The following HAVCR1 variants were observed in gnomAD, a reference collection of about 807,000 sequenced individuals.
HAVCR1 encodes the protein T cell immunoglobin domain and mucin domain protein 1.
HAVCR1 carries 34 observed loss-of-function variants against 32.0 expected under a neutral mutation model. The observed-to-expected ratio is 1.06, with a 90% CI of 0.81 to 1.42. The LOEUF is 1.42. HAVCR1 is among the 40% of genes most tolerant of loss of function. The pLI is 0.00. For missense variants in HAVCR1, 420 were observed against 442.3 expected, an observed-to-expected ratio of 0.95 and a Z score of 0.45; for synonymous variants, 178 against 170.3, an observed-to-expected ratio of 1.05 and a Z score of -0.35.
At chr5:157,042,553 T>G in intron 6 of HAVCR1, 74 bp downstream of exon 6, 1 of 879,190 alleles carries the variant, frequency 1.1e-6, no homozygotes. Flanking sequence ...ACAGACATAG[T>G]CTTTAAATGT....
At chr5:157,036,241 G>T (rs1272284708) in intron 7 of HAVCR1, among the ~76,000 whole-genome samples, 1 of 152,236 alleles carries the variant, frequency 6.6e-6, no homozygotes, top group East Asian at 1.9e-4. Flanking sequence ...CACTTTGGGA[G>T]GCCAAGGCAG....
At chr5:157,066,941 C>T in the HAVCR1 span, among the ~76,000 whole-genome samples, 1 of 152,134 alleles carries the variant, frequency 6.6e-6, no homozygotes, top group Non-Finnish European at 1.5e-5. Flanking sequence ...ACAAAATTAG[C>T]CGGGCGTGGT....
At chr5:157,033,722 C>T (rs551574682) in intron 7 of HAVCR1, among the ~76,000 whole-genome samples, 8 of 152,294 alleles carry the variant, frequency 5.3e-5, no homozygotes, top group African/African-American at 1.9e-4. Flanking sequence ...ATCATTTACT[C>T]TTCCTCTAAA....
intron 8 of HAVCR1, among the ~76,000 whole-genome samples, chr5:157,031,922 G>T (rs1754197826): frequency 6.6e-6 from 1 of 152,124 alleles, no homozygotes; most frequent in Non-Finnish European, 1.5e-5. Context: ...GTAGGGAGCA[G>T]CAGGGAATGA....
chr5:157,041,549 T>C (rs983484372), intron 6 of HAVCR1, among the ~76,000 whole-genome samples: 1 of 152,142 alleles, frequency 6.6e-6, no homozygotes, highest in Admixed American at 6.6e-5. Context: ...GGGAGGTTTA[T>C]GTATAGAAAA....
At chr5:157,064,025 T>C (rs1756548264), upstream of HAVCR1, among the ~76,000 whole-genome samples, 1 of 152,114 alleles carries the variant, frequency 6.6e-6, no homozygotes, top group Non-Finnish European at 1.5e-5. Flanking sequence ...AGGAGCCATA[T>C]TCTGAGGACA....
At chr5:157,048,979 A>C (rs895558960) in intron 5 of HAVCR1, 59 bp downstream of exon 5, 9 of 983,138 alleles carry the variant, frequency 9.2e-6, no homozygotes, top group Non-Finnish European at 1.5e-5. Context: ...CTCTCAACAA[A>C]GTCAATGGTT....
At chr5:157,065,053 T>A in the HAVCR1 span, among the ~76,000 whole-genome samples, 1 of 151,998 alleles carries the variant, frequency 6.6e-6, no homozygotes, top group African/African-American at 2.4e-5. Context: ...ATTGGCTGGG[T>A]GCGGTGGCTC....
At chr5:157,062,303 G>A (rs1756506833), upstream of HAVCR1, among the ~76,000 whole-genome samples, 2 of 152,280 alleles carry the variant, frequency 1.3e-5, no homozygotes, top group African/African-American at 2.4e-5. Flanking sequence ...AACCCGGGAG[G>A]TGGAGGTTGC....
chr5:157,036,388 A>G (rs1326501837), intron 7 of HAVCR1, among the ~76,000 whole-genome samples: 1 of 152,218 alleles, frequency 6.6e-6, no homozygotes, highest in African/African-American at 2.4e-5. Flanking sequence ...CTGAGGCAGG[A>G]GAATGGCTTG....
rs903864126 is a variant in HAVCR1, at chr5:157,046,231, T to C, written c.781+2807A>G. Among the ~76,000 whole-genome samples the C allele has an allele frequency of 2.9e-4, 44 of 152,098 alleles. 1 individual carries two copies. The highest frequency in any genetic ancestry group is 1.5e-5 in the Non-Finnish European group (1 of 68,022). On this transcript the variant is annotated intron_variant, in intron 5 of 8. Coordinates refer to ENST00000523175, the MANE Select transcript of HAVCR1 (RefSeq NM_001173393.3). ...ACAGATTGGCAACAGCTGAGTACAA[T>C]GAGTCATACACACAAGGAGGCCTGC...
chr5:157,048,879 A>C (rs1755572047), intron 5 of HAVCR1, among the ~76,000 whole-genome samples, 159 bp downstream of exon 5: 1 of 151,946 alleles, frequency 6.6e-6, no homozygotes, highest in Non-Finnish European at 1.5e-5. Flanking sequence ...ATGACAAAAC[A>C]TTCAGAAAGG....
chr5:157,068,093 G>C, the HAVCR1 span, among the ~76,000 whole-genome samples: 1 of 150,804 alleles, frequency 6.6e-6, no homozygotes, highest in Non-Finnish European at 1.5e-5. Flanking sequence ...CCAACATGGT[G>C]AAACCCCAAC....
chr5:157,053,905 G>A (rs1315624304), intron 3 of HAVCR1, among the ~76,000 whole-genome samples: 2 of 151,850 alleles, frequency 1.3e-5, no homozygotes, highest in Non-Finnish European at 2.9e-5. Flanking sequence ...GCAAGGCTGG[G>A]TGCTGTGGCT....
the HAVCR1 span, among the ~76,000 whole-genome samples, chr5:157,064,328 C>A: frequency 3.1e-5 from 4 of 129,630 alleles, no homozygotes; most frequent in Admixed American, 8.5e-5. Flanking sequence ...CATAGTGAGA[C>A]CCTGTCTCTA....
intron 5 of HAVCR1, among the ~76,000 whole-genome samples, chr5:157,048,203 G>A (rs1431024427): frequency 2.0e-5 from 3 of 152,168 alleles, no homozygotes; most frequent in Non-Finnish European, 4.4e-5. Flanking sequence ...TCTGGGACTT[G>A]TCAGAAGCAT....
chr5:157,042,756 C>T, intron 5 of HAVCR1, 74 bp from the exon 6 acceptor site: 1 of 877,586 alleles, frequency 1.1e-6, no homozygotes, highest in Non-Finnish European at 1.9e-6. Context: ...TAAATATATT[C>T]ACATTACCTT....
upstream of HAVCR1, among the ~76,000 whole-genome samples, chr5:157,059,656 C>T (rs1290888920): frequency 6.6e-6 from 1 of 152,064 alleles, no homozygotes; most frequent in East Asian, 1.9e-4. Flanking sequence ...GCCTGGACAA[C>T]AAGAACAAAA....
chr5:157,061,689 AG>A (rs2113662422), upstream of HAVCR1, among the ~76,000 whole-genome samples: 1 of 138,642 alleles, frequency 7.2e-6, no homozygotes, highest in South Asian at 2.7e-4. Flanking sequence ...CCTGGGCCAC[AG>A]AGTGAGACTT....
Sources: gnomAD v4.1 joint callset for allele counts (sites outside exome capture counted in the v4.1 genomes callset) on GRCh38, gnomAD v4.1.1 for gene constraint, MANE v1.5 for transcripts, NCBI Gene and HGNC (gene_info 2026-07-23, HGNC 2026-07-21) for gene names.